Variants in CFAP77 observed in about 807,000 individuals in gnomAD.
CFAP77 encodes the protein cilia- and flagella-associated protein 77.
Under a neutral mutation model 31.1 loss-of-function variants are expected in CFAP77, and 25 were observed. The observed-to-expected ratio is 0.80, with a 90% CI of 0.59 to 1.12. The LOEUF (loss-of-function observed/expected upper bound fraction) is 1.12. Among genes scored for constraint, CFAP77 ranks in the 50% most tolerant of loss-of-function variants. The probability of loss-of-function intolerance (pLI) is 0.00; values close to 1 mark genes in which losing one functional copy is unlikely to be tolerated. For missense variants in CFAP77, 377 were observed against 397.3 expected (o/e 0.95, Z 0.44); for synonymous variants, 151 against 159.9 (o/e 0.94, Z 0.42).
rs79667743 is a variant in CFAP77 at position 132,510,004 on chromosome 9, T to G, written c.524+10404T>G. Among the ~76,000 whole-genome samples the G allele has an allele frequency of 5.9e-3, 897 of 152,300 alleles. 5 individuals carry two copies. The highest frequency in any genetic ancestry group is 0.02 in the African/African-American group (841 of 41,574). On this transcript the variant is annotated intron_variant, in intron 3 of 5. Coordinates refer to ENST00000393216, the MANE Select transcript of CFAP77 (RefSeq NM_001282957.2). Reference sequence around the variant, plus strand: ...CAGAGACATTTTTCATGCTTTGCCTTGTTTCCCTTTCGGCTCTCCTGTGGC... The same window carrying G: ...CAGAGACATTTTTCATGCTTTGCCTGGTTTCCCTTTCGGCTCTCCTGTGGC...
At chr9:132,492,695 G>A (rs189578766) in intron 1 of CFAP77, among the ~76,000 whole-genome samples, 2 of 152,300 alleles carry the variant, frequency 1.3e-5, no homozygotes, top group African/African-American at 4.8e-5. Flanking sequence ...TTATGAATCG[G>A]CAGTAACAGG....
intron 4 of CFAP77, among the ~76,000 whole-genome samples, chr9:132,541,288 A>C (rs1341212051): frequency 1.3e-5 from 2 of 152,240 alleles, no homozygotes; most frequent in Non-Finnish European, 2.9e-5. Flanking sequence ...AACCCTGCTC[A>C]GTGGGCGTTG....
At chr9:132,467,894 T>C (rs1332805502) in intron 1 of CFAP77, among the ~76,000 whole-genome samples, 2 of 151,976 alleles carry the variant, frequency 1.3e-5, no homozygotes, top group Non-Finnish European at 2.9e-5. Flanking sequence ...TTTTTTTTAG[T>C]AGTCACCATC....
chr9:132,499,323 G>A lies in CFAP77; in HGVS notation c.296-49G>A, dbSNP rs1450264566. ...TCTTCTCGATCAGCTGCCTCAGGGT[G>A]CTTACTCCCAGGCTGACCACTGCCC... On this transcript the variant is annotated intron_variant, in intron 2 of 5. Coordinates refer to ENST00000393216, the MANE Select transcript of CFAP77 (RefSeq NM_001282957.2). The surrounding 1 kb of genome is among the most constrained non-coding windows in gnomAD (Gnocchi z 5.4). 2 of 1,551,940 alleles carry A rather than the reference G, an allele frequency of 1.3e-6. No homozygotes were observed. Among genetic ancestry groups the A allele is most frequent in the South Asian group, 2.2e-5 (2 of 89,004 alleles).
At chr9:132,532,012 A>G (rs1319268119) in intron 3 of CFAP77, among the ~76,000 whole-genome samples, 1 of 152,198 alleles carries the variant, frequency 6.6e-6, no homozygotes, top group Admixed American at 6.5e-5. Context: ...TTATGAATCT[A>G]GTGTCATTAG....
At chr9:132,478,374 C>T (rs1303828378) in intron 1 of CFAP77, among the ~76,000 whole-genome samples, 2 of 149,930 alleles carry the variant, frequency 1.3e-5, no homozygotes, top group South Asian at 4.2e-4. Context: ...GAAGACGCGG[C>T]ACTGGTTCCC....
At chr9:132,477,372 C>G (rs1851366543) in intron 1 of CFAP77, among the ~76,000 whole-genome samples, 1 of 122,194 alleles carries the variant, frequency 8.2e-6, no homozygotes, top group African/African-American at 3.2e-5. Context: ...GCGCAGTGAG[C>G]AAACCAGCCA....
chr9:132,483,070 G>C (rs1300945188), intron 1 of CFAP77, among the ~76,000 whole-genome samples: 1 of 151,660 alleles, frequency 6.6e-6, no homozygotes, highest in Non-Finnish European at 1.5e-5. Flanking sequence ...TCAGGAGTTC[G>C]AGACCAGTCT....
At chr9:132,515,259 G>A (rs11243807) in intron 3 of CFAP77, among the ~76,000 whole-genome samples, 1 of 152,070 alleles carries the variant, frequency 6.6e-6, no homozygotes, top group South Asian at 2.1e-4. Context: ...ACCCCGGCTC[G>A]ACATTCTGAG....
chr9:132,478,503 T>G (rs1851389207), intron 1 of CFAP77, among the ~76,000 whole-genome samples: 1 of 151,546 alleles, frequency 6.6e-6, no homozygotes, highest in African/African-American at 2.4e-5. Context: ...CCCCTTGGCT[T>G]TTATTACTTT....
rs535199311 is a variant in CFAP77, at chr9:132,480,510, G to A, written c.196-18185G>A. Among the ~76,000 whole-genome samples, 1 of 152,340 alleles carries A rather than the reference G, an allele frequency of 6.6e-6. No homozygotes were observed. The highest frequency in any genetic ancestry group is 2.1e-4 in the South Asian group (1 of 4,824). On this transcript the variant is annotated intron_variant, in intron 1 of 5. Transcript: ENST00000393216. The surrounding 1 kb of genome is among the most constrained non-coding windows in gnomAD (Gnocchi z 5.8). Reference sequence around the variant, plus strand: ...CCAGAGCATGTGCTGAAGACCTACTGTGTGCCGGGCACCGGAGACGCCACA... The same window carrying A: ...CCAGAGCATGTGCTGAAGACCTACTATGTGCCGGGCACCGGAGACGCCACA...
At chr9:132,516,738 G>A (rs1589900471) in intron 3 of CFAP77, among the ~76,000 whole-genome samples, 3 of 152,172 alleles carry the variant, frequency 2.0e-5, no homozygotes, top group South Asian at 2.1e-4. Context: ...TAAGGGGCAC[G>A]TGGGATCTCT....
Position 132,427,059 on chromosome 9 carries a change from G to A in CFAP77, c.195+16593G>A, listed in dbSNP as rs144726419. ...AGAAGACACTGCCTAATAATAGGAT[G>A]AATTTATCCATATAAGAAGCCTGCA... On this transcript the variant is annotated intron_variant, in intron 1 of 5. Coordinates refer to ENST00000393216, the MANE Select transcript of CFAP77 (RefSeq NM_001282957.2). Among the ~76,000 whole-genome samples the A allele has an allele frequency of 8.0e-4, 122 of 152,282 alleles. 2 individuals are homozygous for A. The East Asian group carries it at 0.021, about 27-fold the overall frequency.
In CFAP77 at chr9:132,438,109, G is replaced by A. The variant is rs532036606; in HGVS notation, c.195+27643G>A. ...CCCAGCTACTCAGGAGGCTGAGGCA[G>A]GAGCATCACTTGAACCCAGGAGGCG... On this transcript the variant is annotated intron_variant, in intron 1 of 5. Transcript: ENST00000393216. 3.3e-5 allele frequency among the ~76,000 whole-genome samples: 5 copies of A among 150,652 alleles called. No individual in the cohort carries two copies. The East Asian group carries it at 1.0e-3, about 30-fold the overall frequency.
intron 5 of CFAP77, among the ~76,000 whole-genome samples, chr9:132,556,002 A>G (rs1258398991): frequency 6.6e-6 from 1 of 152,020 alleles, no homozygotes; most frequent in Non-Finnish European, 1.5e-5. Flanking sequence ...GCACAGATAG[A>G]TGATCCGTGT....
At chr9:132,421,887 T>A (rs1850222103) in intron 1 of CFAP77, among the ~76,000 whole-genome samples, 1 of 152,266 alleles carries the variant, frequency 6.6e-6, no homozygotes, top group African/African-American at 2.4e-5. Context: ...TCTGCACACC[T>A]GAATGGCTTC....
chr9:132,519,922 G>A (rs1852240159), intron 3 of CFAP77, among the ~76,000 whole-genome samples: 1 of 151,748 alleles, frequency 6.6e-6, no homozygotes. Context: ...GAGGATGGGT[G>A]GATGGATGGA....
chr9:132,504,594 G>T (rs1162264917), intron 3 of CFAP77, among the ~76,000 whole-genome samples: 3 of 152,228 alleles, frequency 2.0e-5, no homozygotes, highest in Non-Finnish European at 4.4e-5. Context: ...TGGCCATAAA[G>T]CTTTATCTTT....
In CFAP77 at chr9:132,482,475, C is replaced by T. The variant is rs1477385942; in HGVS notation, c.196-16220C>T. On this transcript the variant is annotated intron_variant, in intron 1 of 5. Coordinates refer to ENST00000393216, the MANE Select transcript of CFAP77 (RefSeq NM_001282957.2). ...CTGGAGAAAAAGGGGAAAAGAGGGG[C>T]CCCTCCCGGCTTCCGCACACCTACT... The T allele has an allele frequency of 9.3e-6, 13 of 1,397,846 alleles. No homozygotes were observed. In the East Asian group the frequency reaches 2.5e-4, roughly 27 times the overall value. The allele number at this position is 1,397,846 out of a possible 1,614,324, so 86.6% of individuals were successfully genotyped here.
Sources: gnomAD v4.1 joint callset for allele counts (sites outside exome capture counted in the v4.1 genomes callset) on GRCh38, gnomAD v4.1.1 for gene constraint, Gnocchi (gnomAD v3.1) non-coding constraint, MANE v1.5 for transcripts, NCBI Gene and HGNC (gene_info 2026-07-23, HGNC 2026-07-21) for gene names.